The following FER1L6 variants were observed in gnomAD, a reference collection of about 807,000 sequenced individuals.
FER1L6 encodes the protein fer-1-like protein 6.
Under a neutral mutation model 219.2 loss-of-function variants are expected in FER1L6, and 177 were observed. The observed-to-expected ratio is 0.81, with a 90% confidence interval of 0.71 to 0.91. The LOEUF (loss-of-function observed/expected upper bound fraction) is 0.91, where lower values mean the gene tolerates loss of function less well. FER1L6 is among the 40% of genes least tolerant of loss of function. The pLI is 0.00. For synonymous variants in FER1L6, 768 were observed against 824.3 expected (o/e 0.93, Z 1.17); for missense variants, 2,153 against 2,259.9 (o/e 0.95, Z 0.96).
chr8:124,054,090 C>T (rs1563768865), intron 22 of FER1L6, among the ~76,000 whole-genome samples: 2 of 152,148 alleles, frequency 1.3e-5, no homozygotes, highest in African/African-American at 4.8e-5. Flanking sequence ...TTGAATGGTT[C>T]CCATCCCCTG....
intron 12 of FER1L6, among the ~76,000 whole-genome samples, chr8:123,999,858 G>T (rs901621235): frequency 4.2e-4 from 64 of 152,182 alleles, no homozygotes; most frequent in African/African-American, 1.5e-3. Context: ...GAAGTGTTGG[G>T]GGAAGAGTGA....
chr8:124,103,066 T>C (rs990215249), intron 38 of FER1L6, 80 bp from the exon 39 acceptor site: 3 of 1,247,390 alleles, frequency 2.4e-6, no homozygotes, highest in Non-Finnish European at 3.5e-6. Context: ...GGTGAATGAA[T>C]GAATGAGGAT....
intron 13 of FER1L6, among the ~76,000 whole-genome samples, chr8:124,006,956 G>C (rs73706338): frequency 2.3e-3 from 350 of 152,242 alleles, no homozygotes; most frequent in African/African-American, 8.0e-3. Flanking sequence ...CAAAATTTGG[G>C]GTGGGAATTT....
chr8:123,969,913 A>C, intron 5 of FER1L6, 122 bp from the exon 6 acceptor site: 1 of 666,872 alleles, frequency 1.5e-6, no homozygotes, highest in Non-Finnish European at 2.7e-6. Flanking sequence ...CAATCAATTG[A>C]TGATGTATAT....
At chr8:124,075,802 A>C (rs144110720) in intron 31 of FER1L6, among the ~76,000 whole-genome samples, 4 of 152,344 alleles carry the variant, frequency 2.6e-5, no homozygotes, top group Admixed American at 2.6e-4. Flanking sequence ...ACATGTGGTC[A>C]GTCCTTGACC....
At chr8:124,117,990 C>A (rs904794261) in intron 39 of FER1L6, among the ~76,000 whole-genome samples, 11 of 152,172 alleles carry the variant, frequency 7.2e-5, no homozygotes, top group Admixed American at 6.6e-5. Context: ...CCTCCTATCA[C>A]CTTGAATTTC....
At chr8:123,969,888 AG>A in intron 5 of FER1L6, 146 bp from the exon 6 acceptor site, 1 of 564,994 alleles carries the variant, frequency 1.8e-6, no homozygotes, top group Non-Finnish European at 3.2e-6. Flanking sequence ...AAAAAAAAAG[AG>A]AATTGACAAT....
At chr8:123,992,007 A>G (rs1816882134) in intron 12 of FER1L6, among the ~76,000 whole-genome samples, 1 of 151,954 alleles carries the variant, frequency 6.6e-6, no homozygotes, top group Admixed American at 6.6e-5. Context: ...ACTTATATTG[A>G]CTTTCATACA....
chr8:124,064,486 C>T lies in FER1L6; in HGVS notation c.3468C>T (p.Ile1156=), dbSNP rs200483816. ...ACTCTGCCCAGGCCCAGCCGGCCAT[C>T]CTGGTTGACGTCCCTGACTCATCCC... ...VPDSAQAQPA[I]LVDVPDSSPM... Residue 1156 remains isoleucine, a synonymous_variant, in exon 26 of 41, where the codon ATC becomes ATT. Transcript: ENST00000522917. 6.2e-7 allele frequency: 1 copy of T among 1,614,082 alleles called. No homozygotes were observed. Among genetic ancestry groups the T allele is most frequent in the East Asian group, 2.2e-5 (1 of 44,880 alleles).
intron 25 of FER1L6, 71 bp from the exon 26 acceptor site, chr8:124,064,276 A>T: frequency 1.8e-6 from 2 of 1,126,124 alleles, no homozygotes; most frequent in Non-Finnish European, 2.7e-6. Context: ...TCTGATTCCT[A>T]GTATTAGGTC....
chr8:123,970,186 C>A, intron 6 of FER1L6, 89 bp downstream of exon 6: 1 of 1,175,060 alleles, frequency 8.5e-7, no homozygotes, highest in Non-Finnish European at 1.3e-6. Flanking sequence ...GCATACTTAG[C>A]GGGGAATAGA....
In FER1L6 at chr8:124,078,946, G is replaced by T. The variant is rs374173330; in HGVS notation, c.4220+2621G>T. On this transcript the variant is annotated intron_variant, in intron 32 of 40. Coordinates refer to ENST00000522917, the MANE Select transcript of FER1L6 (RefSeq NM_001039112.2). ...TGGGATACTGAAAGTATGATGTTCT[G>T]GGATGCTTCCTTCTGTGGGCTGCAA... is the stretch of plus-strand genomic sequence containing the variant. 5.3e-5 allele frequency among the ~76,000 whole-genome samples: 8 copies of T among 152,292 alleles called. No homozygotes were observed. The East Asian group carries it at 1.4e-3, about 26-fold the overall frequency.
intron 13 of FER1L6, among the ~76,000 whole-genome samples, chr8:124,005,783 A>G (rs1191157095): frequency 6.6e-6 from 1 of 152,178 alleles, no homozygotes; most frequent in Admixed American, 6.5e-5. Flanking sequence ...ACTGGGGAGG[A>G]GGTAAGGAGT....
intron 25 of FER1L6, 100 bp from the exon 26 acceptor site, chr8:124,064,247 G>A (rs774842766): frequency 2.0e-5 from 18 of 906,850 alleles, no homozygotes; most frequent in Admixed American, 1.3e-4. Flanking sequence ...GCAACCTGAC[G>A]TATTTGAATC....
chr8:124,114,901 A>G lies in FER1L6; in HGVS notation c.5290-3943A>G, dbSNP rs1313361106. Among the ~76,000 whole-genome samples, 113 of 70,970 alleles carry G rather than the reference A, an allele frequency of 1.6e-3. 1 individual carries two copies. Among genetic ancestry groups the G allele is most frequent in the South Asian group, 8.7e-3 (23 of 2,630 alleles). 46.6% of individuals were successfully genotyped at this position (70,970 alleles called of 152,430 possible). On this transcript the variant is annotated intron_variant, in intron 39 of 40. Coordinates refer to ENST00000522917, the MANE Select transcript of FER1L6 (RefSeq NM_001039112.2). ...ATATGCAGTGTGTGTGTGCGTATAT[A>G]TATATATATATATATATATATATAT...
chr8:123,857,597 T>A lies in FER1L6; in HGVS notation c.-8+5412T>A, dbSNP rs79186340. The stretch of plus-strand genomic sequence containing the variant: ...CTTCCCTCCCAGTTCAGTACTAACC[T>A]GTTAGGAATGCTCTACTCTTTCTCT... On this transcript the variant is annotated intron_variant, in intron 1 of 40. Transcript: ENST00000522917. Among the ~76,000 whole-genome samples, 1,156 of 152,306 alleles carry A rather than the reference T, an allele frequency of 7.6e-3. 18 individuals carry two copies. The highest frequency in any genetic ancestry group is 0.027 in the African/African-American group (1,119 of 41,578).
chr8:123,925,881 T>C (rs1278940995), intron 1 of FER1L6: 1 of 152,186 alleles, frequency 6.6e-6, no homozygotes, highest in Non-Finnish European at 1.5e-5. Context: ...TGGGACTCTT[T>C]GTTTGACAAT....
At chr8:124,037,726 G>T (rs763196137) in intron 19 of FER1L6, among the ~76,000 whole-genome samples, 6 of 152,124 alleles carry the variant, frequency 3.9e-5, no homozygotes, top group Non-Finnish European at 8.8e-5. Context: ...AGGGTAGAGG[G>T]ACAGAAACGT....
intron 1 of FER1L6, among the ~76,000 whole-genome samples, chr8:123,904,224 T>TTGTGTGTGTG (rs56224402): frequency 0.093 from 13,005 of 139,332 alleles, 708 homozygotes; most frequent in Non-Finnish European, 0.1. Context: ...CTCTGTATAT[T>TTGTGTGTGTG]TGTGTGTGTG....
Sources: gnomAD v4.1 joint callset for allele counts (sites outside exome capture counted in the v4.1 genomes callset) on GRCh38, gnomAD v4.1.1 for gene constraint, MANE v1.5 for transcripts, NCBI Gene and HGNC (gene_info 2026-07-23, HGNC 2026-07-21) for gene names.